HSPA12A: variants seen among roughly 807,000 people sequenced by gnomAD.
HSPA12A encodes heat shock 70 kDa protein 12A.
A neutral mutation model predicts 69.2 loss-of-function variants in HSPA12A; 28 were observed. The observed-to-expected ratio is 0.40, with a 90% CI of 0.30 to 0.55. The LOEUF (loss-of-function observed/expected upper bound fraction) is 0.55, where lower values mean the gene tolerates loss of function less well. Ranked by LOEUF, HSPA12A falls within the 20% of genes least tolerant of loss-of-function variation. The pLI is 0.38. For missense variants in HSPA12A, 686 were observed against 900.7 expected (o/e 0.76, Z 3.05); for synonymous variants, 345 against 370.5 (o/e 0.93, Z 0.79).
chr10:116,784,859 C>T (rs1844543352), intron 2 of HSPA12A, among the ~76,000 whole-genome samples: 1 of 152,164 alleles, frequency 6.6e-6, no homozygotes, highest in Non-Finnish European at 1.5e-5. Context: ...TAACGCTAAC[C>T]TCGGAGCTGT....
At chr10:116,782,778 G>A (rs1376368368) in intron 2 of HSPA12A, among the ~76,000 whole-genome samples, 1 of 152,208 alleles carries the variant, frequency 6.6e-6, no homozygotes, top group Admixed American at 6.5e-5. Context: ...ACCAAGGCTT[G>A]TGCAAGTAGA....
At chr10:116,806,813 C>T (rs1845078636) in intron 2 of HSPA12A, among the ~76,000 whole-genome samples, 2 of 152,178 alleles carry the variant, frequency 1.3e-5, no homozygotes, top group African/African-American at 4.8e-5. Flanking sequence ...CCGTGGCCCC[C>T]CAAAAGATAT....
intron 2 of HSPA12A, chr10:116,832,661 G>A (rs1348266769): frequency 1.3e-5 from 2 of 152,166 alleles, no homozygotes; most frequent in East Asian, 3.9e-4. Context: ...TGAAGATTCA[G>A]AGCTGAATTA....
chr10:116,672,941 G>A lies in HSPA12A; in HGVS notation c.*1840C>T, dbSNP rs1849126183. ...TGTTCGTTGTTTCACATTCTAGTAG[G>A]GAATTCTGCAGCAGGCGATGCGAAA... On this transcript the variant is annotated 3_prime_UTR_variant, in exon 12 of 12. Coordinates refer to ENST00000369209, the MANE Select transcript of HSPA12A (RefSeq NM_025015.3). 1 of 152,592 alleles carries A rather than the reference G, an allele frequency of 6.6e-6. No individual in the cohort carries two copies. Among genetic ancestry groups the A allele is most frequent in the African/African-American group, 2.4e-5 (1 of 41,428 alleles). The allele number at this position is 152,592 out of a possible 1,614,324, so 9.5% of individuals were successfully genotyped here.
Position 116,707,148 on chromosome 10 carries a change from T to TGCGC in HSPA12A, c.126+48_126+51dup, listed in dbSNP as rs146552482. The TGCGC allele has an allele frequency of 1.7e-5, 16 of 969,180 alleles. No homozygotes were observed. The African/African-American group carries it at 3.4e-4, about 21-fold the overall frequency. The allele number at this position is 969,180 out of a possible 1,614,324, so 60.0% of individuals were successfully genotyped here. ...ACGCACGTGTGCTCATGCGCACCCA[T>TGCGC]GCGCGCACACACACACACACACACA... On this transcript the variant is annotated intron_variant, in intron 2 of 11. Transcript: ENST00000369209.
intron 2 of HSPA12A, among the ~76,000 whole-genome samples, chr10:116,803,972 T>C (rs1637554): frequency 0.99 from 151,145 of 152,242 alleles, 75,043 homozygotes; most frequent in Middle Eastern, 1. Context: ...AGATTCAAAC[T>C]CCTAAGTACA....
chr10:116,845,020 T>TA (rs1471697410), intron 1 of HSPA12A, among the ~76,000 whole-genome samples: 1 of 152,130 alleles, frequency 6.6e-6, no homozygotes, highest in African/African-American at 2.4e-5. Context: ...TATCTTAAAT[T>TA]AGAGTTATAA....
intron 1 of HSPA12A, among the ~76,000 whole-genome samples, chr10:116,843,769 T>C (rs1020156141): frequency 2.0e-5 from 3 of 152,222 alleles, no homozygotes; most frequent in African/African-American, 4.8e-5. Flanking sequence ...AAAATGTATA[T>C]GCATGGGCCC....
At chr10:116,789,592 C>CAAAG (rs1844657036) in intron 2 of HSPA12A, among the ~76,000 whole-genome samples, 1 of 152,190 alleles carries the variant, frequency 6.6e-6, no homozygotes, top group African/African-American at 2.4e-5. Flanking sequence ...CTGCCAGGAA[C>CAAAG]AAAGCTACAG....
intron 1 of HSPA12A, 55 bp from the exon 2 acceptor site, chr10:116,707,340 G>A: frequency 7.3e-7 from 1 of 1,365,208 alleles, no homozygotes; most frequent in Non-Finnish European, 1.0e-6. Context: ...GACCCAGGGG[G>A]AAGAAATGAG....
At chr10:116,729,713 T>A (rs1212051500) in intron 1 of HSPA12A, among the ~76,000 whole-genome samples, 1 of 152,214 alleles carries the variant, frequency 6.6e-6, no homozygotes, top group African/African-American at 2.4e-5. Flanking sequence ...AATCCATGGA[T>A]AAGTGGACCT....
At position 116,774,110 on chromosome 10, in the gene HSPA12A, C is replaced by T. The variant is rs546812192; in HGVS notation, c.91+60825G>A. ...CTGCAAGCTCCGCCTCCCGGGTTCA[C>T]GCCATTCTCCTGCCTCAGCCTCCCA... On this transcript the variant is annotated intron_variant, in intron 2 of 12. Transcript: ENST00000635765. Among the ~76,000 whole-genome samples the T allele has an allele frequency of 2.6e-5, 4 of 151,428 alleles. No homozygotes were observed. The South Asian group carries it at 6.2e-4, about 24-fold the overall frequency.
chr10:116,845,330 T>A (rs909690472), intron 1 of HSPA12A, among the ~76,000 whole-genome samples: 1 of 152,186 alleles, frequency 6.6e-6, no homozygotes, highest in African/African-American at 2.4e-5. Flanking sequence ...TCGAAAAGCT[T>A]AGGCAACTCT....
intron 2 of HSPA12A, among the ~76,000 whole-genome samples, chr10:116,799,692 C>T (rs1282564605): frequency 1.3e-5 from 2 of 152,216 alleles, no homozygotes; most frequent in Non-Finnish European, 2.9e-5. Flanking sequence ...CGGCCCTGTG[C>T]CTCACCTGCA....
intron 3 of HSPA12A, among the ~76,000 whole-genome samples, chr10:116,704,376 C>T (rs1270456182): frequency 6.6e-6 from 1 of 151,888 alleles, no homozygotes; most frequent in Non-Finnish European, 1.5e-5. Context: ...AACCAAACAC[C>T]GCATGTTCTC....
At chr10:116,830,515 C>T (rs1229780838) in intron 2 of HSPA12A, 4 of 151,804 alleles carry the variant, frequency 2.6e-5, no homozygotes, top group African/African-American at 9.7e-5. Context: ...TGGCTCACAC[C>T]TATAATCCCA....
intron 1 of HSPA12A, among the ~76,000 whole-genome samples, chr10:116,839,291 A>G (rs182740229): frequency 1.2e-4 from 19 of 152,322 alleles, no homozygotes; most frequent in African/African-American, 4.3e-4. Flanking sequence ...ATCAAGTCAG[A>G]CATTACTGAA....
chr10:116,759,682 C>T (rs1843928756), intron 2 of HSPA12A, among the ~76,000 whole-genome samples: 1 of 152,150 alleles, frequency 6.6e-6, no homozygotes, highest in Admixed American at 6.5e-5. Flanking sequence ...TAGAAGACAT[C>T]TCCTCAGGTG....
At chr10:116,730,662 C>T (rs1851121768) in intron 1 of HSPA12A, among the ~76,000 whole-genome samples, 1 of 152,268 alleles carries the variant, frequency 6.6e-6, no homozygotes, top group Admixed American at 6.5e-5. Flanking sequence ...TTCTCTGGGA[C>T]TGCCTGGCCC....
Sources: allele counts gnomAD v4.1 joint callset (sites outside exome capture counted in the v4.1 genomes callset), GRCh38; gene constraint gnomAD v4.1.1; transcripts MANE v1.5; gene names NCBI Gene and HGNC (gene_info 2026-07-23, HGNC 2026-07-21).